DLGAP1: variants seen among roughly 807,000 people sequenced by gnomAD.
The protein encoded by DLGAP1 is disks large-associated protein 1.
A neutral mutation model predicts 90.8 loss-of-function variants in DLGAP1; 11 were observed. That is an observed-to-expected ratio of 0.12 (90% CI 0.08 to 0.20). The LOEUF (loss-of-function observed/expected upper bound fraction) is 0.20. DLGAP1 is among the 10% of genes least tolerant of loss of function. The probability of loss-of-function intolerance (pLI) is 1.00; values close to 1 mark genes in which losing one functional copy is unlikely to be tolerated. For missense variants in DLGAP1, 1,050 were observed against 1,333.8 expected, an observed-to-expected ratio of 0.79 and a Z score of 3.31; for synonymous variants, 558 against 540.7, an observed-to-expected ratio of 1.03 and a Z score of -0.44.
chr18:4,422,599 T>G (rs2083065554), intron 1 of DLGAP1, among the ~76,000 whole-genome samples: 1 of 151,998 alleles, frequency 6.6e-6, no homozygotes, highest in Non-Finnish European at 1.5e-5. Flanking sequence ...AATTTAGATA[T>G]GAATTGTCTT....
intron 4 of DLGAP1, among the ~76,000 whole-genome samples, chr18:3,860,309 T>A (rs542791407): frequency 4.6e-5 from 7 of 152,296 alleles, no homozygotes; most frequent in Admixed American, 2.0e-4. Flanking sequence ...CACTGTGTTT[T>A]TTCAGGCATA....
chr18:4,157,326 T>C (rs1212659463), intron 1 of DLGAP1, among the ~76,000 whole-genome samples: 2 of 152,204 alleles, frequency 1.3e-5, no homozygotes, highest in East Asian at 1.9e-4. Context: ...AATGGTAAAC[T>C]ATCTATGTGC....
At position 3,530,864 on chromosome 18, in the gene DLGAP1, A is replaced by G. The variant is rs1354283101; in HGVS notation, c.2479+3330T>C. 3.9e-5 allele frequency among the ~76,000 whole-genome samples: 6 copies of G among 152,232 alleles called. No individual in the cohort carries two copies. The East Asian group carries it at 1.2e-3, about 29-fold the overall frequency. ...AAGGAAACCCATTTATGGGTTTTAC[A>G]GAAACCCGTTAATGAATTTCCTAAC... On this transcript the variant is annotated intron_variant, in intron 10 of 12. Coordinates refer to ENST00000315677, the MANE Select transcript of DLGAP1 (RefSeq NM_004746.4).
intron 2 of DLGAP1, among the ~76,000 whole-genome samples, chr18:4,125,916 G>A (rs1309158794): frequency 1.3e-5 from 2 of 152,184 alleles, no homozygotes; most frequent in Non-Finnish European, 2.9e-5. Flanking sequence ...AGTGACTGGA[G>A]CCACAGGAAC....
chr18:3,841,199 A>G (rs927580754), intron 4 of DLGAP1, among the ~76,000 whole-genome samples: 1 of 152,218 alleles, frequency 6.6e-6, no homozygotes, highest in Non-Finnish European at 1.5e-5. Context: ...CTATGGAAAC[A>G]GTAATCACAG....
At chr18:4,238,715 C>T (rs2078469192) in intron 1 of DLGAP1, among the ~76,000 whole-genome samples, 1 of 151,910 alleles carries the variant, frequency 6.6e-6, no homozygotes, top group Admixed American at 6.6e-5. Context: ...ATGTAACTAC[C>T]CTTTCAGGTT....
chr18:3,567,851 T>G, intron 8 of DLGAP1, among the ~76,000 whole-genome samples: 1 of 152,198 alleles, frequency 6.6e-6, no homozygotes, highest in Admixed American at 6.5e-5. Context: ...GACTTAAGTA[T>G]CTTACTGTAA....
In DLGAP1 at chr18:3,941,208, A is replaced by C. The variant is rs549854471; in HGVS notation, c.-72-61068T>G. Among the ~76,000 whole-genome samples the C allele has an allele frequency of 5.9e-5, 9 of 152,354 alleles. 1 individual carries two copies. The South Asian group carries it at 1.2e-3, about 21-fold the overall frequency. ...AATAGAACCGGTAACTGGAGGTACA[A>C]ACACTTACCTTTGATTGAATTCAGA... On this transcript the variant is annotated intron_variant, in intron 3 of 12. Coordinates refer to ENST00000315677, the MANE Select transcript of DLGAP1 (RefSeq NM_004746.4).
chr18:4,434,169 A>G (rs113277414), intron 1 of DLGAP1, among the ~76,000 whole-genome samples: 1 of 66,758 alleles, frequency 1.5e-5, no homozygotes, highest in Non-Finnish European at 3.9e-5. Flanking sequence ...TTGCATCCCT[A>G]TACAACAGCA....
chr18:3,976,396 A>C (rs1386415194), intron 3 of DLGAP1, among the ~76,000 whole-genome samples: 1 of 151,946 alleles, frequency 6.6e-6, no homozygotes, highest in Non-Finnish European at 1.5e-5. Context: ...TATGTTATAC[A>C]TATTACCATA....
intron 7 of DLGAP1, among the ~76,000 whole-genome samples, chr18:3,702,696 A>T (rs768492469): frequency 1.3e-5 from 2 of 152,182 alleles, no homozygotes; most frequent in African/African-American, 2.4e-5. Context: ...ACTTTAAGTA[A>T]ATCTCTGTGG....
At chr18:4,250,633 TA>T (rs1414956158) in intron 1 of DLGAP1, among the ~76,000 whole-genome samples, 1 of 152,198 alleles carries the variant, frequency 6.6e-6, no homozygotes, top group Non-Finnish European at 1.5e-5. Context: ...AGATTTTTGC[TA>T]AAAAGAACCA....
chr18:4,102,835 G>A (rs1289992321), intron 2 of DLGAP1, among the ~76,000 whole-genome samples: 3 of 151,898 alleles, frequency 2.0e-5, no homozygotes, highest in Non-Finnish European at 4.4e-5. Flanking sequence ...GTTTATTCCT[G>A]TGCCAACATT....
chr18:3,983,236 C>T (rs1263772792), intron 3 of DLGAP1: 3 of 152,072 alleles, frequency 2.0e-5, no homozygotes, highest in Admixed American at 6.5e-5. Flanking sequence ...GAAAAAGGTA[C>T]CTTGAATTAA....
intron 4 of DLGAP1, among the ~76,000 whole-genome samples, chr18:3,867,440 G>A (rs1349464952): frequency 2.0e-5 from 3 of 152,168 alleles, no homozygotes; most frequent in Admixed American, 6.5e-5. Context: ...GTATTGCTGA[G>A]CTCAGCTCTC....
rs142690410 is a variant in DLGAP1 at position 3,729,292 on chromosome 18, C to T, written c.1434G>A (p.Ala478=). Residue 478 remains alanine, a synonymous_variant, in exon 7 of 13, where the codon GCG becomes GCA. Coordinates refer to ENST00000315677, the MANE Select transcript of DLGAP1 (RefSeq NM_004746.4). The surrounding 1 kb of genome is among the most constrained non-coding windows in gnomAD (Gnocchi z 6.2). ...AGCAGCCGGGCATGGGCAGGTCCAG[C>T]GCTTCCACGGCCTGCGACTCCAGCT... ...FSELESQAVE[A]LDLPMPGCFR... 13 of 1,614,104 alleles carry T rather than the reference C, an allele frequency of 8.1e-6. No individual in the cohort carries two copies. The East Asian group carries it at 1.8e-4, about 22-fold the overall frequency.
intron 1 of DLGAP1, among the ~76,000 whole-genome samples, chr18:4,311,682 T>C (rs1369716265): frequency 1.3e-5 from 2 of 152,256 alleles, no homozygotes; most frequent in East Asian, 1.9e-4. Context: ...AAATTTAATC[T>C]AGATATGTGC....
chr18:4,367,022 A>G (rs1045469870), intron 1 of DLGAP1, among the ~76,000 whole-genome samples: 3 of 150,846 alleles, frequency 2.0e-5, no homozygotes, highest in Non-Finnish European at 4.4e-5. Context: ...AAAAAAAAAA[A>G]AAAAAAAATC....
Position 3,565,607 on chromosome 18 carries a change from G to A in DLGAP1, c.2057+1883C>T, listed in dbSNP as rs1340287274. ...TCCCAGCACTTTGGGAAGCCAAGGC[G>A]GGTGGATCACAAGGTCAAGATGATC... is the stretch of plus-strand genomic sequence containing the variant. On this transcript the variant is annotated intron_variant, in intron 9 of 12. Coordinates refer to ENST00000315677, the MANE Select transcript of DLGAP1 (RefSeq NM_004746.4). The surrounding 1 kb of genome is among the most constrained non-coding windows in gnomAD (Gnocchi z 4.0). Among the ~76,000 whole-genome samples, 2 of 151,988 alleles carry A rather than the reference G, an allele frequency of 1.3e-5. No homozygotes were observed. Among genetic ancestry groups the A allele is most frequent in the Non-Finnish European group, 2.9e-5 (2 of 67,986 alleles).
Sources: gnomAD v4.1 joint callset for allele counts (sites outside exome capture counted in the v4.1 genomes callset) on GRCh38, gnomAD v4.1.1 for gene constraint, Gnocchi (gnomAD v3.1) non-coding constraint, MANE v1.5 for transcripts, NCBI Gene and HGNC (gene_info 2026-07-23, HGNC 2026-07-21) for gene names.